The following TEX10 variants were observed in gnomAD, a reference collection of about 807,000 sequenced individuals.
TEX10 encodes the protein testis-expressed protein 10.
Under a neutral mutation model 104.4 loss-of-function variants are expected in TEX10, and 24 were observed. That is an observed-to-expected ratio of 0.23 (90% CI 0.17 to 0.32). The LOEUF (loss-of-function observed/expected upper bound fraction) is 0.32, where lower values mean the gene tolerates loss of function less well. Ranked by LOEUF, TEX10 falls within the 10% of genes least tolerant of loss-of-function variation. TEX10 has a pLI of 1.00. For synonymous variants in TEX10, 396 were observed against 393.4 expected (o/e 1.01, Z -0.08); for missense variants, 921 against 1,083.9 (o/e 0.85, Z 2.11).
At chr9:100,341,516 A>AC (rs1835173200) in intron 4 of TEX10, among the ~76,000 whole-genome samples, 2 of 152,028 alleles carry the variant, frequency 1.3e-5, no homozygotes, top group East Asian at 3.9e-4. Flanking sequence ...CACTGGCATC[A>AC]TCCTTGACTC....
chr9:100,340,367 C>A lies in TEX10; in HGVS notation c.1140G>T (p.Glu380Asp). Residue 380 changes from glutamate (E) to aspartate (D), a missense_variant and splice_region_variant, in exon 5 of 15, where the codon GAG (glutamate) becomes GAT (aspartate). Coordinates refer to ENST00000374902, the MANE Select transcript of TEX10 (RefSeq NM_017746.4). ...TAAGGTAGTTCTTTCGAAGCCATGA[C>A]TCCTATTGAAATAGCAAAGATTAGA... is the stretch of plus-strand genomic sequence containing the variant. ...SKQQDETHKL[E>D]SWLRKNYLID... The A allele has an allele frequency of 6.5e-7, 1 of 1,535,510 alleles. No homozygotes were observed. The highest frequency in any genetic ancestry group is 8.7e-7 in the Non-Finnish European group (1 of 1,147,844).
intron 7 of TEX10, 87 bp from the exon 8 acceptor site, chr9:100,328,049 AAT>A: frequency 1.3e-6 from 1 of 793,984 alleles, no homozygotes; most frequent in East Asian, 2.8e-5. Context: ...TTTTAACTTA[AAT>A]ATATCACAAA....
At chr9:100,318,612 C>T (rs532391807) in intron 11 of TEX10, among the ~76,000 whole-genome samples, 1 of 152,254 alleles carries the variant, frequency 6.6e-6, no homozygotes, top group Non-Finnish European at 1.5e-5. Context: ...TTTACATGCA[C>T]ACACAAAAGA....
intron 11 of TEX10, among the ~76,000 whole-genome samples, chr9:100,311,416 T>C (rs1366501351): frequency 1.3e-5 from 2 of 152,140 alleles, no homozygotes; most frequent in South Asian, 2.1e-4. Flanking sequence ...ATAAGTGTTA[T>C]TCAAGGACCT....
chr9:100,330,739 A>G (rs1834840755), intron 5 of TEX10, among the ~76,000 whole-genome samples: 1 of 152,252 alleles, frequency 6.6e-6, no homozygotes, highest in African/African-American at 2.4e-5. Context: ...TATTTTAATA[A>G]AAACAAAATT....
Position 100,340,341 on chromosome 9 carries a change from A to G in TEX10, c.1166T>C (p.Ile389Thr), listed in dbSNP as rs1372729755. 1.6e-5 allele frequency: 25 copies of G among 1,567,432 alleles called. No individual in the cohort carries two copies. Among genetic ancestry groups the G allele is most frequent in the Admixed American group, 2.0e-5 (1 of 48,790 alleles). Residue 389 changes from isoleucine (I) to threonine (T), a missense_variant, in exon 5 of 15, where the codon ATT becomes ACT. Ile to Thr is a moderately conservative substitution (Grantham distance 89). Transcript: ENST00000374902. ...LESWLRKNYL[I>T]DFKHHFMSRF... Reference sequence around the variant, plus strand: ...ACTCATAAAATGGTGTTTAAAATCAATAAGGTAGTTCTTTCGAAGCCATGA... The same window carrying G: ...ACTCATAAAATGGTGTTTAAAATCAGTAAGGTAGTTCTTTCGAAGCCATGA...
At chr9:100,339,374 A>T (rs953304145) in intron 5 of TEX10, among the ~76,000 whole-genome samples, 2 of 141,270 alleles carry the variant, frequency 1.4e-5, no homozygotes, top group Non-Finnish European at 3.0e-5. Context: ...ATATATATTT[A>T]TATATATTTA....
Position 100,303,558 on chromosome 9 carries a change from A to C in TEX10, c.2676+74T>G, listed in dbSNP as rs1014522272. ...GGATCCCTTTCCTCCCTCAAAACAC[A>C]CTTTCCCCCATGCCCCCGTCATAAA... On this transcript the variant is annotated intron_variant, in intron 14 of 14. Transcript: ENST00000374902. The C allele has an allele frequency of 4.6e-6, 7 of 1,529,254 alleles. No individual in the cohort carries two copies. In the African/African-American group the frequency reaches 9.6e-5, roughly 21 times the overall value. The allele number at this position is 1,529,254 out of a possible 1,614,324, so 94.7% of individuals were successfully genotyped here. A position where few individuals can be genotyped will look rare whatever the true frequency, so the allele number is the denominator to read the frequency against.
chr9:100,346,014 T>C, intron 4 of TEX10, 58 bp downstream of exon 4: 1 of 1,532,624 alleles, frequency 6.5e-7, no homozygotes, highest in Non-Finnish European at 8.8e-7. Context: ...TTTCGAATCT[T>C]GCCATTTATG....
chr9:100,323,395 G>C (rs1328956728), intron 9 of TEX10, among the ~76,000 whole-genome samples: 2 of 152,112 alleles, frequency 1.3e-5, no homozygotes, highest in Non-Finnish European at 2.9e-5. Flanking sequence ...AAACTTCTTG[G>C]TGCAAGCCAA....
At position 100,347,250 on chromosome 9, in the gene TEX10, T is replaced by C; in HGVS notation, c.337A>G (p.Asn113Asp). 1.9e-6 allele frequency: 3 copies of C among 1,614,146 alleles called. No homozygotes were observed. The highest frequency in any genetic ancestry group is 1.1e-5 in the South Asian group (1 of 91,082). The change falls in exon 3 of 15, where the codon AAT (asparagine) becomes GAT (aspartate). Residue 113 changes from asparagine (N) to aspartate (D), a missense_variant. Coordinates refer to ENST00000374902, the MANE Select transcript of TEX10 (RefSeq NM_017746.4). ...VTAVFTDKDA[N>D]VRLAAVQLLQ... ...AGTTGAACTGCTGCTAATCGTACAT[T>C]AGCATCTTTATCTGTAAACACAGCA...
At chr9:100,333,162 C>A (rs1172002165) in intron 5 of TEX10, among the ~76,000 whole-genome samples, 3 of 151,994 alleles carry the variant, frequency 2.0e-5, no homozygotes, top group African/African-American at 7.2e-5. Context: ...TGGGGCTTCA[C>A]CATGTTGTCC....
At chr9:100,327,664 A>C in intron 8 of TEX10, 123 bp downstream of exon 8, 1 of 582,482 alleles carries the variant, frequency 1.7e-6, no homozygotes. Context: ...CTGGCAATTT[A>C]ACCATGGTAT....
At position 100,310,318 on chromosome 9, in the gene TEX10, C is replaced by T. The variant is rs1834243253; in HGVS notation, c.2264G>A (p.Ser755Asn). Residue 755 changes from serine to asparagine, a missense_variant, in exon 12 of 15, where the codon AGT (serine) becomes AAT (asparagine). Around this residue, in one of 3 missense-constraint regions of TEX10, gnomAD observed 753 missense variants for 868.4 expected, o/e 0.87. Transcript: ENST00000374902. Reference sequence around the variant, plus strand: ...ACTTACCAAATGCTTACTGATGGCACTTTGCAAGATGTCAAAGTTCTGACT... The same window carrying T: ...ACTTACCAAATGCTTACTGATGGCATTTTGCAAGATGTCAAAGTTCTGACT... ...ARSQNFDILQ[S>N]AISKHLVGLT... is the part of the protein sequence containing the mutation. 2 of 1,614,102 alleles carry T rather than the reference C, an allele frequency of 1.2e-6. No individual in the cohort carries two copies. The highest frequency in any genetic ancestry group is 4.5e-5 in the East Asian group (2 of 44,886).
At chr9:100,320,520 C>T in intron 10 of TEX10, 122 bp from the exon 11 acceptor site, 1 of 1,083,514 alleles carries the variant, frequency 9.2e-7, no homozygotes, top group East Asian at 2.6e-5. Flanking sequence ...CTTGTTTTCT[C>T]TGAGCTTCTG....
chr9:100,351,441 G>A (rs957888750), intron 1 of TEX10, among the ~76,000 whole-genome samples: 13 of 150,120 alleles, frequency 8.7e-5, no homozygotes, highest in Admixed American at 8.6e-4. Context: ...CTAAAAAGAA[G>A]GCCATGATAC....
intron 1 of TEX10, 72 bp downstream of exon 1, chr9:100,352,700 G>T: frequency 7.6e-7 from 1 of 1,309,312 alleles, no homozygotes; most frequent in Non-Finnish European, 9.7e-7. Flanking sequence ...CCGCGGATCG[G>T]GGGGCGACGG....
chr9:100,352,590 C>A (rs1835484530), intron 1 of TEX10, 182 bp downstream of exon 1: 1 of 1,504,446 alleles, frequency 6.6e-7, no homozygotes, highest in South Asian at 1.3e-5. Flanking sequence ...GGGGTCCCGC[C>A]CCCGCAGTGC....
chr9:100,303,238 A>C (rs1208260682), intron 14 of TEX10, among the ~76,000 whole-genome samples: 1 of 152,186 alleles, frequency 6.6e-6, no homozygotes, highest in East Asian at 1.9e-4. Flanking sequence ...ATTTTTACAG[A>C]TAGGAAAACA....
Sources: allele counts gnomAD v4.1 joint callset (sites outside exome capture counted in the v4.1 genomes callset), GRCh38; gene constraint gnomAD v4.1.1; regional missense constraint gnomAD v4.1.1; transcripts MANE v1.5; gene names NCBI Gene and HGNC (gene_info 2026-07-23, HGNC 2026-07-21).